The following MTNR1B variants were observed in gnomAD, a reference collection of about 807,000 sequenced individuals.
MTNR1B encodes the protein melatonin receptor 1B.
Under a neutral mutation model 7.0 loss-of-function variants are expected in MTNR1B, and 7 were observed. The observed-to-expected ratio is 1.00, with a 90% CI of 0.57 to 1.88. The LOEUF (loss-of-function observed/expected upper bound fraction) is 1.88, where lower values mean the gene tolerates loss of function less well. Ranked by LOEUF, MTNR1B falls within the 40% of genes most tolerant of loss-of-function variation. The pLI is 0.00. For synonymous variants in MTNR1B, 226 were observed against 208.2 expected (o/e 1.09, Z -0.74); for missense variants, 478 against 486.5 (o/e 0.98, Z 0.16).
At chr11:92,979,041 C>T (rs1001123101) in intron 1 of MTNR1B, among the ~76,000 whole-genome samples, 1 of 152,140 alleles carries the variant, frequency 6.6e-6, no homozygotes, top group Admixed American at 6.5e-5. Context: ...ACAGAACCAA[C>T]CCTATGAGTG....
chr11:92,970,425 G>A (rs1409684428), intron 1 of MTNR1B, among the ~76,000 whole-genome samples: 1 of 152,214 alleles, frequency 6.6e-6, no homozygotes, highest in Non-Finnish European at 1.5e-5. Flanking sequence ...ATTTCAGTAG[G>A]TTTTGTGTCA....
At chr11:92,981,328 T>G (rs1858098259) in intron 1 of MTNR1B, 119 bp from the exon 2 acceptor site, 1 of 1,404,804 alleles carries the variant, frequency 7.1e-7, no homozygotes, top group Non-Finnish European at 9.6e-7. Flanking sequence ...GTTCTGTGCC[T>G]CTAAGAGCCA....
downstream of MTNR1B, among the ~76,000 whole-genome samples, chr11:92,984,553 C>G (rs1159501698): frequency 8.5e-5 from 13 of 152,212 alleles, no homozygotes; most frequent in African/African-American, 2.4e-4. Context: ...TTCCCCTCCC[C>G]CTAGACACAA....
At chr11:92,976,488 A>C (rs569870283) in intron 1 of MTNR1B, among the ~76,000 whole-genome samples, 33 of 150,950 alleles carry the variant, frequency 2.2e-4, no homozygotes, top group Non-Finnish European at 4.0e-4. Context: ...TATATGCCAG[A>C]TTCAAGTCTC....
At position 92,969,861 on chromosome 11, in the gene MTNR1B, G is replaced by T. The variant is rs747617688; in HGVS notation, c.136G>T (p.Val46Leu). 1.2e-6 allele frequency: 2 copies of T among 1,611,382 alleles called. No homozygotes were observed. The highest frequency in any genetic ancestry group is 2.7e-5 in the African/African-American group (2 of 74,934). The change falls in exon 1 of 2, where the codon GTG becomes TTG. Residue 46 changes from valine (V) to leucine (L), a missense_variant. Coordinates refer to ENST00000257068, the MANE Select transcript of MTNR1B (RefSeq NM_005959.5). ...PPWVAPALSA[V>L]LIVTTAVDVV... is the part of the protein sequence containing the mutation. ...CTGGGTGGCTCCAGCGCTGTCCGCG[G>T]TGCTCATCGTCACCACCGCCGTGGA...
In MTNR1B at chr11:92,972,611, C is replaced by T. The variant is rs775592306; in HGVS notation, c.223+2663C>T. ...TAAAAGGTAAGGCCAAGTGTGTTCA[C>T]TCTTTGCTACATTCTCAGAGTCTTG... On this transcript the variant is annotated intron_variant, in intron 1 of 1. Transcript: ENST00000257068. The T allele has an allele frequency of 1.2e-4, 55 of 451,706 alleles. 2 individuals are homozygous for T. Among genetic ancestry groups the T allele is most frequent in the Middle Eastern group, 5.6e-4 (1 of 1,790 alleles). The allele number at this position is 451,706 out of a possible 1,614,324, so 28.0% of individuals were successfully genotyped here.
Position 92,969,868 on chromosome 11 carries a change from T to A in MTNR1B, c.143T>A (p.Ile48Asn). 1 of 1,611,832 alleles carries A rather than the reference T, an allele frequency of 6.2e-7. No individual in the cohort carries two copies. The highest frequency in any genetic ancestry group is 8.5e-7 in the Non-Finnish European group (1 of 1,179,522). ...WVAPALSAVL[I>N]VTTAVDVVGN... is the part of the protein sequence containing the mutation. ...GCTCCAGCGCTGTCCGCGGTGCTCA[T>A]CGTCACCACCGCCGTGGACGTCGTG... Residue 48 changes from isoleucine to asparagine, a missense_variant, in exon 1 of 2, where the codon ATC becomes AAC. Physicochemically the swap from Ile to Asn is moderately radical, Grantham distance 149. Coordinates refer to ENST00000257068, the MANE Select transcript of MTNR1B (RefSeq NM_005959.5).
At chr11:92,979,487 A>T (rs1036165975) in intron 1 of MTNR1B, among the ~76,000 whole-genome samples, 1 of 152,224 alleles carries the variant, frequency 6.6e-6, no homozygotes, top group African/African-American at 2.4e-5. Context: ...TAACCCATGA[A>T]GTAAATAAAT....
At chr11:92,980,670 G>T (rs1333812304) in intron 1 of MTNR1B, among the ~76,000 whole-genome samples, 1 of 152,184 alleles carries the variant, frequency 6.6e-6, no homozygotes, top group African/African-American at 2.4e-5. Flanking sequence ...AGTCCAGGAA[G>T]GCCACCATGG....
At position 92,972,516 on chromosome 11, in the gene MTNR1B, G is replaced by A. The variant is rs572306792; in HGVS notation, c.223+2568G>A. ...ATGTGGTGGGTTGACTTCAGAGATA[G>A]CACCAGAGAAAGGCAGACAGGGAGG... On this transcript the variant is annotated intron_variant, in intron 1 of 1. Transcript: ENST00000257068. 5.0e-5 allele frequency: 23 copies of A among 456,158 alleles called. No individual in the cohort carries two copies. In the East Asian group the frequency reaches 1.5e-3, roughly 30 times the overall value. 28.3% of individuals were successfully genotyped at this position (456,158 alleles called of 1,614,324 possible).
At chr11:92,971,723 C>A (rs1004615195) in intron 1 of MTNR1B, among the ~76,000 whole-genome samples, 1 of 152,094 alleles carries the variant, frequency 6.6e-6, no homozygotes, top group African/African-American at 2.4e-5. Flanking sequence ...GGAGTTGCTT[C>A]CTTTTGCTGG....
downstream of MTNR1B, among the ~76,000 whole-genome samples, chr11:92,982,946 C>CG: frequency 1.1e-5 from 1 of 95,230 alleles, no homozygotes; most frequent in Admixed American, 1.0e-4. Flanking sequence ...ACCCCCCCCC[C>CG]CCACACACAC....
At chr11:92,970,662 A>G (rs777480653) in intron 1 of MTNR1B, among the ~76,000 whole-genome samples, 1 of 152,194 alleles carries the variant, frequency 6.6e-6, no homozygotes, top group Non-Finnish European at 1.5e-5. Context: ...TCATTTCAAT[A>G]TTCCCCTAGT....
At chr11:92,980,121 A>G (rs1176152292) in intron 1 of MTNR1B, among the ~76,000 whole-genome samples, 1 of 152,160 alleles carries the variant, frequency 6.6e-6, no homozygotes, top group Non-Finnish European at 1.5e-5. Flanking sequence ...AATGGGACAG[A>G]CACATGGTGG....
At chr11:92,971,109 G>A (rs574982693) in intron 1 of MTNR1B, among the ~76,000 whole-genome samples, 7 of 152,048 alleles carry the variant, frequency 4.6e-5, no homozygotes, top group South Asian at 2.1e-4. Flanking sequence ...ACAGGCGCTC[G>A]CCACTACACC....
At position 92,972,283 on chromosome 11, in the gene MTNR1B, C is replaced by T. The variant is rs538134630; in HGVS notation, c.223+2335C>T. Among the ~76,000 whole-genome samples the T allele has an allele frequency of 5.1e-4, 77 of 152,220 alleles. 1 individual carries two copies. Among genetic ancestry groups the T allele is most frequent in the Non-Finnish European group, 9.7e-4 (66 of 68,022 alleles). ...GTAACAATGAGAATACATATATTTC[C>T]AATAACCAAGATACATAGCCCATAT... is the stretch of plus-strand genomic sequence containing the variant. On this transcript the variant is annotated intron_variant, in intron 1 of 1. Transcript: ENST00000257068.
chr11:92,982,622 C>A lies in MTNR1B; in HGVS notation c.*310C>A. 1 of 360,060 alleles carries A rather than the reference C, an allele frequency of 2.8e-6. No individual in the cohort carries two copies. The allele number at this position is 360,060 out of a possible 1,614,324, so 22.3% of individuals were successfully genotyped here. On this transcript the variant is annotated 3_prime_UTR_variant, in exon 2 of 2. Transcript: ENST00000257068. ...GGGGCAGAAGAGCCCAACTCCTTCT[C>A]ATAGCTGACCCTCATCCTCCTGCCT... is the stretch of plus-strand genomic sequence containing the variant.
In MTNR1B at chr11:92,981,477, C is replaced by T. The variant is rs773309154; in HGVS notation, c.254C>T (p.Ala85Val). The T allele has an allele frequency of 1.9e-6, 3 of 1,613,792 alleles. No homozygotes were observed. Among genetic ancestry groups the T allele is most frequent in the Non-Finnish European group, 2.5e-6 (3 of 1,179,900 alleles). Residue 85 changes from alanine (A) to valine (V), a missense_variant, in exon 2 of 2, where the codon GCT (alanine) becomes GTT (valine). Transcript: ENST00000257068. Reference sequence around the variant, plus strand: ...TTGTTCTTGGTGAGTCTGGCATTGGCTGACCTGGTGGTGGCCTTCTACCCC... The same window carrying T: ...TTGTTCTTGGTGAGTCTGGCATTGGTTGACCTGGTGGTGGCCTTCTACCCC... ...GNLFLVSLAL[A>V]DLVVAFYPYP... is the part of the protein sequence containing the mutation.
At chr11:92,972,812 C>G (rs1211786271) in intron 1 of MTNR1B, among the ~76,000 whole-genome samples, 1 of 152,054 alleles carries the variant, frequency 6.6e-6, no homozygotes, top group Non-Finnish European at 1.5e-5. Context: ...TTTTTGAGCT[C>G]TTCCTTTCTC....
Sources: gnomAD v4.1 joint callset for allele counts (sites outside exome capture counted in the v4.1 genomes callset) on GRCh38, gnomAD v4.1.1 for gene constraint, MANE v1.5 for transcripts, NCBI Gene and HGNC (gene_info 2026-07-23, HGNC 2026-07-21) for gene names.